Variants in LRP1B observed in about 807,000 individuals in gnomAD.
The protein encoded by LRP1B is low-density lipoprotein receptor-related protein 1B.
In LRP1B, 217 loss-of-function variants were observed where a neutral mutation model predicts 556.6. The ratio of observed to expected loss-of-function variants is 0.39; its 90% CI spans 0.35 to 0.44. LRP1B has a LOEUF of 0.44. Ranked by LOEUF, LRP1B falls within the 20% of genes least tolerant of loss-of-function variation. The pLI, the probability that LRP1B is intolerant of heterozygous loss-of-function variation, is 1.00. For synonymous variants in LRP1B, 2,047 were observed against 1,865.8 expected (o/e 1.10, Z -2.50); for missense variants, 5,053 against 5,620.8 (o/e 0.90, Z 3.23).
At chr2:140,245,472 T>C (rs537634240) in intron 87 of LRP1B, among the ~76,000 whole-genome samples, 22 of 151,408 alleles carry the variant, frequency 1.5e-4, no homozygotes, top group Non-Finnish European at 2.7e-4. Context: ...TTTGATGCTC[T>C]AAAAAGGCTG....
intron 2 of LRP1B, among the ~76,000 whole-genome samples, chr2:141,663,839 G>A (rs1485557649): frequency 2.0e-5 from 3 of 151,524 alleles, no homozygotes; most frequent in Non-Finnish European, 4.4e-5. Context: ...TTCATTTCAT[G>A]GGTAAATAAT....
chr2:140,496,780 T>G (rs1361040037), intron 55 of LRP1B, among the ~76,000 whole-genome samples: 1 of 152,070 alleles, frequency 6.6e-6, no homozygotes, highest in Non-Finnish European at 1.5e-5. Flanking sequence ...TGTCTTCGAA[T>G]AAAGGAAATT....
At chr2:141,517,358 C>T (rs1330835828) in intron 2 of LRP1B, among the ~76,000 whole-genome samples, 2 of 150,664 alleles carry the variant, frequency 1.3e-5, no homozygotes, top group East Asian at 3.9e-4. Flanking sequence ...GCTAATCTTT[C>T]CCCCAAGGCA....
intron 86 of LRP1B, among the ~76,000 whole-genome samples, chr2:140,253,313 CAT>C (rs1681535090): frequency 6.6e-6 from 1 of 151,896 alleles, no homozygotes; most frequent in African/African-American, 2.4e-5. Context: ...AGAGAAATGA[CAT>C]ATTCAATAAA....
intron 64 of LRP1B, 39 bp downstream of exon 64, chr2:140,444,524 T>G: frequency 6.2e-7 from 1 of 1,611,842 alleles, no homozygotes. Context: ...CAGTTGAAAA[T>G]TAGACTTATG....
At chr2:140,748,107 A>T (rs1688381689) in intron 35 of LRP1B, among the ~76,000 whole-genome samples, 1 of 90,622 alleles carries the variant, frequency 1.1e-5, no homozygotes, top group Non-Finnish European at 2.1e-5. Flanking sequence ...ATATATATAT[A>T]TATATATATA....
chr2:141,027,167 G>A (rs903690846), intron 11 of LRP1B, among the ~76,000 whole-genome samples: 1 of 152,088 alleles, frequency 6.6e-6, no homozygotes, highest in African/African-American at 2.4e-5. Context: ...TACAGTAGAG[G>A]ATGCTTTTGG....
At chr2:140,235,343 TGA>T (rs1332798027) in intron 89 of LRP1B, among the ~76,000 whole-genome samples, 1 of 144,764 alleles carries the variant, frequency 6.9e-6, no homozygotes, top group Non-Finnish European at 1.5e-5. Context: ...ATAACAGAAA[TGA>T]GTGTTCTACA....
At chr2:141,415,495 A>G (rs1268673132) in intron 3 of LRP1B, among the ~76,000 whole-genome samples, 1 of 152,156 alleles carries the variant, frequency 6.6e-6, no homozygotes, top group East Asian at 1.9e-4. Flanking sequence ...AATAAAATAT[A>G]TTTTTTACAG....
At position 140,297,942 on chromosome 2, in the gene LRP1B, C is replaced by A; in HGVS notation, c.12833G>T (p.Gly4278Val). The change falls in exon 84 of 91, where the codon GGT becomes GTT. Residue 4278 changes from glycine to valine, a missense_variant. Transcript: ENST00000389484. ...CTTACCACAGTTTGGCCCAGTGAAA[C>A]CCAGTGCACAGCTGCAGGTGGGTCT... ...LGRPTCSCAL[G>V]FTGPNCGKTV... 6.2e-7 allele frequency: 1 copy of A among 1,612,898 alleles called. No homozygotes were observed.
In LRP1B at chr2:140,441,756, T is replaced by G. The variant is rs1248079859; in HGVS notation, c.10414+748A>C. ...TCTAATCAATTACTAGATGAAATGCTTTTTGCTTATCCAACAATGCCAAAT... is the reference window on the plus strand; with the variant it reads ...TCTAATCAATTACTAGATGAAATGCGTTTTGCTTATCCAACAATGCCAAAT... On this transcript the variant is annotated intron_variant, in intron 66 of 90. Transcript: ENST00000389484. 2.6e-5 allele frequency among the ~76,000 whole-genome samples: 4 copies of G among 152,182 alleles called. No individual in the cohort carries two copies. The East Asian group carries it at 7.7e-4, about 29-fold the overall frequency.
At chr2:141,397,820 T>C (rs137863930) in intron 3 of LRP1B, among the ~76,000 whole-genome samples, 35 of 150,688 alleles carry the variant, frequency 2.3e-4, no homozygotes, top group African/African-American at 7.3e-4. Context: ...TATATACATA[T>C]ATATTTACAT....
intron 72 of LRP1B, 51 bp from the exon 73 acceptor site, chr2:140,358,997 A>C: frequency 1.3e-6 from 2 of 1,538,336 alleles, no homozygotes; most frequent in South Asian, 1.2e-5. Flanking sequence ...ACATTGCTTT[A>C]TGAAGAACAT....
At chr2:141,812,470 C>T (rs1696390111) in intron 1 of LRP1B, among the ~76,000 whole-genome samples, 1 of 151,948 alleles carries the variant, frequency 6.6e-6, no homozygotes. Flanking sequence ...TCCTCCCAAA[C>T]CATATCAAAT....
At chr2:140,424,595 C>A (rs1685580281) in intron 66 of LRP1B, among the ~76,000 whole-genome samples, 1 of 152,196 alleles carries the variant, frequency 6.6e-6, no homozygotes, top group South Asian at 2.1e-4. Context: ...CTGAGATAAT[C>A]TTGGAATGTT....
chr2:140,332,696 G>A (rs980553229), intron 79 of LRP1B, among the ~76,000 whole-genome samples: 1 of 151,948 alleles, frequency 6.6e-6, no homozygotes, highest in African/African-American at 2.4e-5. Flanking sequence ...ACCAAGACTA[G>A]CCTCGACCTG....
chr2:140,671,726 C>G (rs1685493512), intron 41 of LRP1B, among the ~76,000 whole-genome samples: 1 of 152,118 alleles, frequency 6.6e-6, no homozygotes, highest in Non-Finnish European at 1.5e-5. Context: ...TTCAAATCAT[C>G]TAGGATATTT....
intron 2 of LRP1B, among the ~76,000 whole-genome samples, chr2:141,653,966 TAC>T (rs1308000463): frequency 6.6e-6 from 1 of 152,222 alleles, no homozygotes; most frequent in Admixed American, 6.5e-5. Context: ...TTACAATAAT[TAC>T]AGAGTTGTTT....
intron 43 of LRP1B, among the ~76,000 whole-genome samples, chr2:140,542,286 C>T (rs1049712957): frequency 5.3e-5 from 8 of 151,888 alleles, no homozygotes; most frequent in South Asian, 2.1e-4. Context: ...AAATATTAGA[C>T]GAAGATTATC....
Sources: allele counts gnomAD v4.1 joint callset (sites outside exome capture counted in the v4.1 genomes callset), GRCh38; gene constraint gnomAD v4.1.1; transcripts MANE v1.5; gene names NCBI Gene and HGNC (gene_info 2026-07-23, HGNC 2026-07-21).